APC: variants seen among roughly 807,000 people sequenced by gnomAD.
APC encodes the protein adenomatous polyposis coli protein.
APC carries 72 observed loss-of-function variants against 247.0 expected under a neutral mutation model. That is an observed-to-expected ratio of 0.29 (90% CI 0.24 to 0.35). The LOEUF is 0.35. Among genes scored for constraint, APC ranks in the 10% least tolerant of loss-of-function variants. The pLI is 1.00. For synonymous variants in APC, 1,254 were observed against 1,162.5 expected, an observed-to-expected ratio of 1.08 and a Z score of -1.60; for missense variants, 3,400 against 3,360.7, an observed-to-expected ratio of 1.01 and a Z score of -0.29.
chr5:112,787,094 C>T (rs1759044251), intron 6 of APC, among the ~76,000 whole-genome samples: 1 of 152,080 alleles, frequency 6.6e-6, no homozygotes, highest in Middle Eastern at 3.4e-3. Flanking sequence ...CACTATGTTG[C>T]CCAGTCTGGC....
intron 1 of APC, among the ~76,000 whole-genome samples, chr5:112,732,850 A>G (rs1000915141): frequency 1.3e-5 from 2 of 152,268 alleles, no homozygotes; most frequent in African/African-American, 4.8e-5. Context: ...AAGCCAAACC[A>G]TGATTTGGGC....
chr5:112,767,356 A>T lies in APC; in HGVS notation c.388A>T (p.Ser130Cys), dbSNP rs150973053. The T allele has an allele frequency of 6.2e-7, 1 of 1,614,022 alleles. No homozygotes were observed. The highest frequency in any genetic ancestry group is 1.7e-5 in the Admixed American group (1 of 59,998). ...AGGGTTTGTAAATGGAAGCAGAGAAAGTACTGGATATTTAGAAGAACTTGA... is the reference window on the plus strand; with the variant it reads ...AGGGTTTGTAAATGGAAGCAGAGAATGTACTGGATATTTAGAAGAACTTGA... The part of the protein sequence containing the change: ...RRGFVNGSRE[S>C]TGYLEELEKE... The change falls in exon 4 of 16, where the codon AGT becomes TGT. Residue 130 changes from serine (S) to cysteine (C), a missense_variant. Ser to Cys is a moderately radical substitution (Grantham distance 112, BLOSUM62 -1). Transcript: ENST00000257430.
At chr5:112,751,268 G>C (rs529799300) in intron 1 of APC, among the ~76,000 whole-genome samples, 20 of 151,946 alleles carry the variant, frequency 1.3e-4, no homozygotes, top group Non-Finnish European at 2.9e-4. Context: ...CATTTATATG[G>C]TTTTAATTAT....
At chr5:112,731,782 G>A (rs777572959) in intron 1 of APC, among the ~76,000 whole-genome samples, 1 of 151,976 alleles carries the variant, frequency 6.6e-6, no homozygotes. Context: ...TTTTGTTTTA[G>A]ACAGAGTCTT....
intron 1 of APC, among the ~76,000 whole-genome samples, chr5:112,750,738 C>G (rs1306887695): frequency 1.3e-5 from 2 of 152,094 alleles, no homozygotes; most frequent in Non-Finnish European, 2.9e-5. Context: ...ACCCATTAAA[C>G]AAATTAAAAT....
chr5:112,736,716 C>A (rs924700193), upstream of APC, among the ~76,000 whole-genome samples: 1 of 152,130 alleles, frequency 6.6e-6, no homozygotes, highest in African/African-American at 2.4e-5. Flanking sequence ...GAGATTGAGA[C>A]CATCCTGGCC....
At chr5:112,820,533 C>T (rs1456298637) in intron 10 of APC, among the ~76,000 whole-genome samples, 1 of 152,066 alleles carries the variant, frequency 6.6e-6, no homozygotes, top group African/African-American at 2.4e-5. Context: ...CCTTTCATAT[C>T]TATTTGTCCT....
In APC at chr5:112,838,220, C is replaced by A. The variant is rs121913333; in HGVS notation, c.2626C>A (p.Arg876=). 3.1e-6 allele frequency: 5 copies of A among 1,614,042 alleles called. No homozygotes were observed. Among genetic ancestry groups the A allele is most frequent in the Non-Finnish European group, 4.2e-6 (5 of 1,180,002 alleles). Residue 876 remains arginine, a synonymous_variant, in exon 16 of 16, where the codon CGA becomes AGA. Transcript: ENST00000257430. ...AGAAAATCCAGGAACTTCTTCAAAGCGAGGTTTGCAGATCTCCACCACTGC... is the reference window on the plus strand; with the variant it reads ...AGAAAATCCAGGAACTTCTTCAAAGAGAGGTTTGCAGATCTCCACCACTGC... ...ATENPGTSSK[R]GLQISTTAAQ...
intron 1 of APC, among the ~76,000 whole-genome samples, chr5:112,726,097 CT>C (rs1334327347): frequency 1.3e-5 from 2 of 152,170 alleles, no homozygotes; most frequent in African/African-American, 4.8e-5. Context: ...GCAAGTGCCC[CT>C]GGGCTCCGGC....
intron 2 of APC, among the ~76,000 whole-genome samples, chr5:112,764,036 G>A (rs909451909): frequency 1.3e-5 from 2 of 150,226 alleles, no homozygotes; most frequent in African/African-American, 4.9e-5. Flanking sequence ...AGGAGATCGA[G>A]ACCATCCTGG....
At chr5:112,805,770 A>G (rs910273951) in intron 8 of APC, among the ~76,000 whole-genome samples, 2 of 152,234 alleles carry the variant, frequency 1.3e-5, no homozygotes, top group African/African-American at 4.8e-5. Flanking sequence ...TGACTTTCTC[A>G]GGATCACAGT....
At chr5:112,722,219 T>TA (rs1751519802) in intron 1 of APC, among the ~76,000 whole-genome samples, 1 of 152,190 alleles carries the variant, frequency 6.6e-6, no homozygotes, top group Admixed American at 6.5e-5. Context: ...AGTACTAAAG[T>TA]AATACACTGT....
intron 1 of APC, among the ~76,000 whole-genome samples, chr5:112,728,809 C>G (rs1054705667): frequency 5.3e-5 from 8 of 151,996 alleles, no homozygotes; most frequent in African/African-American, 1.9e-4. Flanking sequence ...TATTTTTCCT[C>G]TTGAGCCAGA....
At chr5:112,790,720 A>G (rs1204456458) in intron 6 of APC, among the ~76,000 whole-genome samples, 4 of 152,210 alleles carry the variant, frequency 2.6e-5, no homozygotes, top group African/African-American at 4.8e-5. Flanking sequence ...AAAAGCATGA[A>G]GGCATTGTAT....
At chr5:112,810,400 A>C in intron 8 of APC, 2 of 225,372 alleles carry the variant, frequency 8.9e-6, no homozygotes, top group Non-Finnish European at 1.8e-5. Flanking sequence ...AGTTATATGC[A>C]GTAAGAGAAG....
At position 112,713,805 on chromosome 5, in the gene APC, C is replaced by CTACAGGCATA. The variant is rs1751001766; in HGVS notation, c.165+5924_165+5925insACAGGCATAT. ...CCTCAGCCTCCCAAGTAGCTGGCGC[C>CTACAGGCATA]TGCCACCACACCCAGCTAATTTTTG... is the stretch of plus-strand genomic sequence containing the variant. On this transcript the variant is annotated intron_variant, in intron 1 of 13. Coordinates refer to the APC transcript ENST00000507379. 2.2e-4 allele frequency among the ~76,000 whole-genome samples: 34 copies of CTACAGGCATA among 152,246 alleles called. No individual in the cohort carries two copies. In the South Asian group the frequency reaches 6.6e-3, roughly 30 times the overall value.
chr5:112,773,940 A>G (rs757719920), intron 4 of APC, among the ~76,000 whole-genome samples: 24 of 152,350 alleles, frequency 1.6e-4, no homozygotes, highest in Non-Finnish European at 3.1e-4. Context: ...TGAAAAAGCA[A>G]AAAGTTGAAT....
intron 1 of APC, among the ~76,000 whole-genome samples, chr5:112,744,095 G>A (rs1753355924): frequency 1.3e-5 from 2 of 151,894 alleles, no homozygotes; most frequent in Non-Finnish European, 2.9e-5. Flanking sequence ...TCCCACCTCA[G>A]CCTCCCAGAG....
intron 2 of APC, among the ~76,000 whole-genome samples, chr5:112,759,935 C>T (rs561694221): frequency 6.6e-6 from 1 of 152,198 alleles, no homozygotes; most frequent in Non-Finnish European, 1.5e-5. Context: ...ATGCAGCCCC[C>T]AAGAAATCTG....
Sources: allele counts gnomAD v4.1 joint callset (sites outside exome capture counted in the v4.1 genomes callset), GRCh38; gene constraint gnomAD v4.1.1; transcripts MANE v1.5; gene names NCBI Gene and HGNC (gene_info 2026-07-23, HGNC 2026-07-21).